TNFSF4: variants seen among roughly 807,000 people sequenced by gnomAD.
TNFSF4 encodes the protein tumor necrosis factor ligand superfamily member 4.
TNFSF4 carries 4 observed loss-of-function variants against 7.3 expected under a neutral mutation model. That is an observed-to-expected ratio of 0.55 (90% CI 0.27 to 1.25). The LOEUF (loss-of-function observed/expected upper bound fraction) is 1.25. TNFSF4 is among the 50% of genes most tolerant of loss of function. The probability of loss-of-function intolerance (pLI) is 0.12; values close to 1 mark genes in which losing one functional copy is unlikely to be tolerated. For synonymous variants in TNFSF4, 76 were observed against 83.7 expected (o/e 0.91, Z 0.50); for missense variants, 181 against 208.8 (o/e 0.87, Z 0.82).
the TNFSF4 span, among the ~76,000 whole-genome samples, chr1:173,317,922 G>A: frequency 1.6e-4 from 25 of 152,210 alleles, no homozygotes; most frequent in Non-Finnish European, 2.8e-4. Context: ...CCATCAGTAC[G>A]AATTATAAAT....
chr1:173,234,423 T>C, the TNFSF4 span, among the ~76,000 whole-genome samples: 4 of 152,334 alleles, frequency 2.6e-5, no homozygotes, highest in African/African-American at 7.2e-5. Context: ...AATACCATTT[T>C]ACCCAGCCAT....
At chr1:173,236,447 G>C in the TNFSF4 span, among the ~76,000 whole-genome samples, 1 of 150,978 alleles carries the variant, frequency 6.6e-6, no homozygotes, top group Non-Finnish European at 1.5e-5. Flanking sequence ...AGATAGTGCA[G>C]GGTTTGGTGA....
At chr1:173,266,291 A>ACAAGG in the TNFSF4 span, among the ~76,000 whole-genome samples, 1 of 152,192 alleles carries the variant, frequency 6.6e-6, no homozygotes, top group Non-Finnish European at 1.5e-5. Flanking sequence ...GTTTGAGAAA[A>ACAAGG]CAAGGCAAAT....
the TNFSF4 span, among the ~76,000 whole-genome samples, chr1:173,359,141 C>A: frequency 6.6e-6 from 1 of 152,092 alleles, no homozygotes; most frequent in Non-Finnish European, 1.5e-5. Flanking sequence ...TTATGTCATA[C>A]GTAATAATGT....
At chr1:173,278,535 T>TA in the TNFSF4 span, among the ~76,000 whole-genome samples, 1 of 152,110 alleles carries the variant, frequency 6.6e-6, no homozygotes, top group South Asian at 2.1e-4. Flanking sequence ...AGCCTTTATA[T>TA]ATCTATGAGG....
At chr1:173,188,646 A>G in intron 1 of TNFSF4, 77 bp from the exon 2 acceptor site, 2 of 1,252,524 alleles carry the variant, frequency 1.6e-6, no homozygotes, top group Non-Finnish European at 2.3e-6. Flanking sequence ...TTAATGGAAC[A>G]GTGAAGCAGA....
the TNFSF4 span, among the ~76,000 whole-genome samples, chr1:173,368,409 AAT>A: frequency 6.6e-6 from 1 of 152,134 alleles, no homozygotes; most frequent in Admixed American, 6.5e-5. Flanking sequence ...GCTCCTCCGG[AAT>A]ATTGCCATGC....
chr1:173,394,919 G>GATAGATAGATAGAT, the TNFSF4 span, among the ~76,000 whole-genome samples: 34 of 150,124 alleles, frequency 2.3e-4, no homozygotes, highest in African/African-American at 7.9e-4. Context: ...TAGATAGATA[G>GATAGATAGATAGAT]AGATAGATAG....
the TNFSF4 span, among the ~76,000 whole-genome samples, chr1:173,318,506 A>G: frequency 6.6e-6 from 1 of 152,210 alleles, no homozygotes; most frequent in Non-Finnish European, 1.5e-5. Flanking sequence ...ATGGGGGAAG[A>G]GAATGGAAAA....
chr1:173,320,725 A>G, the TNFSF4 span, among the ~76,000 whole-genome samples: 1 of 152,232 alleles, frequency 6.6e-6, no homozygotes, highest in Non-Finnish European at 1.5e-5. Context: ...ACTCCCATTC[A>G]CAATTGCTAT....
chr1:173,317,665 G>T, the TNFSF4 span, among the ~76,000 whole-genome samples: 2 of 152,146 alleles, frequency 1.3e-5, no homozygotes, highest in East Asian at 3.9e-4. Context: ...TACCAAAAAA[G>T]CCCTGCAATG....
At chr1:173,236,191 C>T in the TNFSF4 span, among the ~76,000 whole-genome samples, 1 of 152,156 alleles carries the variant, frequency 6.6e-6, no homozygotes, top group Non-Finnish European at 1.5e-5. Flanking sequence ...TTGAATATTT[C>T]TACCAGTAGT....
At chr1:173,247,056 C>A in the TNFSF4 span, among the ~76,000 whole-genome samples, 1 of 152,126 alleles carries the variant, frequency 6.6e-6, no homozygotes, top group East Asian at 1.9e-4. Context: ...CCTACCAAAC[C>A]TTGTCTCAGA....
the TNFSF4 span, among the ~76,000 whole-genome samples, chr1:173,283,340 C>T: frequency 1.3e-5 from 2 of 152,160 alleles, no homozygotes; most frequent in East Asian, 3.9e-4. Context: ...CAATGGGCAA[C>T]AAGCAAGAAA....
the TNFSF4 span, among the ~76,000 whole-genome samples, chr1:173,228,401 G>A: frequency 6.6e-6 from 1 of 152,154 alleles, no homozygotes; most frequent in African/African-American, 2.4e-5. Flanking sequence ...CAAACAGAAA[G>A]GACATCCACA....
the TNFSF4 span, among the ~76,000 whole-genome samples, chr1:173,272,429 A>G: frequency 6.6e-6 from 1 of 152,040 alleles, no homozygotes; most frequent in African/African-American, 2.4e-5. Context: ...CATGCCCATT[A>G]GAGATTTTTT....
chr1:173,208,849 CAAAA>C (rs572693565), upstream of TNFSF4, among the ~76,000 whole-genome samples: 1 of 85,158 alleles, frequency 1.2e-5, no homozygotes, highest in Non-Finnish European at 2.6e-5. Context: ...AGAGTCACAG[CAAAA>C]AAAAAAAAAG....
At chr1:173,329,539 C>T in the TNFSF4 span, among the ~76,000 whole-genome samples, 1 of 151,238 alleles carries the variant, frequency 6.6e-6, no homozygotes, top group Non-Finnish European at 1.5e-5. Context: ...TATAAAATAC[C>T]AAAAAAAAGA....
chr1:173,268,258 T>C, the TNFSF4 span, among the ~76,000 whole-genome samples: 2 of 152,112 alleles, frequency 1.3e-5, no homozygotes, highest in African/African-American at 2.4e-5. Context: ...GCAAATATAA[T>C]AGACCATCTT....
Sources: gnomAD v4.1 joint callset for allele counts (sites outside exome capture counted in the v4.1 genomes callset) on GRCh38, gnomAD v4.1.1 for gene constraint, MANE v1.5 for transcripts, NCBI Gene and HGNC (gene_info 2026-07-23, HGNC 2026-07-21) for gene names.